The following GLI2 variants were observed in gnomAD, a reference collection of about 807,000 sequenced individuals.
GLI2 encodes GLI family zinc finger 2, also known as transcription activator GLI2.
Under a neutral mutation model 78.9 loss-of-function variants are expected in GLI2, and 22 were observed. The observed-to-expected ratio is 0.28, with a 90% CI of 0.20 to 0.40. GLI2 has a LOEUF of 0.40. Among genes scored for constraint, GLI2 ranks in the 10% least tolerant of loss-of-function variants. The pLI is 1.00. For synonymous variants in GLI2, 974 were observed against 963.7 expected (o/e 1.01, Z -0.20); for missense variants, 2,097 against 2,213.2 (o/e 0.95, Z 1.05).
chr2:120,760,613 G>T (rs949312801), intron 1 of GLI2, among the ~76,000 whole-genome samples: 1 of 152,202 alleles, frequency 6.6e-6, no homozygotes, highest in Non-Finnish European at 1.5e-5. Flanking sequence ...GACCAGGGAT[G>T]CAGCGTCCCC....
intron 8 of GLI2, among the ~76,000 whole-genome samples, chr2:120,973,959 T>C (rs989883200): frequency 3.9e-5 from 6 of 152,134 alleles, no homozygotes; most frequent in Admixed American, 2.0e-4. Flanking sequence ...GTACCACTCA[T>C]TGAGTCCCCG....
rs1406065104 is a variant in GLI2 at position 120,817,394 on chromosome 2, A to G, written c.148+19926A>G. ...TCACTGCCCACCTGTCACCCCTTCC[A>G]TCACATGCCCATCATGACAGGCCCC... On this transcript the variant is annotated intron_variant, in intron 2 of 13. Coordinates refer to ENST00000361492, the MANE Select transcript of GLI2 (RefSeq NM_001374353.1). Among the ~76,000 whole-genome samples, 4 of 152,112 alleles carry G rather than the reference A, an allele frequency of 2.6e-5. No homozygotes were observed. In the South Asian group the frequency reaches 8.3e-4, roughly 31 times the overall value.
At position 120,988,779 on chromosome 2, in the gene GLI2, C is replaced by A. The variant is rs1287129677; in HGVS notation, c.2814C>A (p.Pro938=). The part of the protein sequence containing the change: ...TYGHGHAGAA[P]AFPHEAPGGG... The stretch of plus-strand genomic sequence containing the variant: ...GCCACGGCCACGCGGGGGCTGCGCC[C>A]GCCTTCCCCCACGAGGCTCCAGGCG... The change falls in exon 14 of 14, where the codon CCC becomes CCA. Residue 938 remains proline, a synonymous_variant. Transcript: ENST00000361492. 1.5e-6 allele frequency: 2 copies of A among 1,329,250 alleles called. No homozygotes were observed. Among genetic ancestry groups the A allele is most frequent in the South Asian group, 1.6e-5 (1 of 61,238 alleles). 82.3% of individuals were successfully genotyped at this position (1,329,250 alleles called of 1,614,324 possible).
chr2:120,799,337 C>T (rs1022825983), intron 2 of GLI2, among the ~76,000 whole-genome samples: 166 of 152,290 alleles, frequency 1.1e-3, no homozygotes, highest in African/African-American at 3.8e-3. Context: ...GAGGTTCCAG[C>T]GGAGGGTGGA....
intron 5 of GLI2, among the ~76,000 whole-genome samples, chr2:120,967,992 G>A (rs910266162): frequency 9.2e-5 from 14 of 152,226 alleles, no homozygotes; most frequent in African/African-American, 3.4e-4. Context: ...CTATCAGGGG[G>A]CACTTTAGTG....
chr2:120,922,431 G>C (rs1038186426), intron 2 of GLI2, among the ~76,000 whole-genome samples: 3 of 152,136 alleles, frequency 2.0e-5, no homozygotes, highest in African/African-American at 7.2e-5. Context: ...CTCACTGAAG[G>C]CCTGCTGCAT....
At chr2:120,936,445 G>A (rs770469686) in intron 3 of GLI2, among the ~76,000 whole-genome samples, 6 of 152,158 alleles carry the variant, frequency 3.9e-5, no homozygotes, top group Admixed American at 1.3e-4. Context: ...GTAAGGTGGG[G>A]GATTTTCTCC....
chr2:120,908,437 G>A lies in GLI2; in HGVS notation c.149-18924G>A, dbSNP rs79758613. ...CTTGCATATGGAGGCCCCCTCTTCT[G>A]AGCACTGGATCTGCTTCCCGTGCAG... On this transcript the variant is annotated intron_variant, in intron 2 of 13. Coordinates refer to ENST00000361492, the MANE Select transcript of GLI2 (RefSeq NM_001374353.1). Among the ~76,000 whole-genome samples the A allele has an allele frequency of 4.9e-3, 741 of 152,298 alleles. 5 individuals carry two copies. The highest frequency in any genetic ancestry group is 7.5e-3 in the Non-Finnish European group (509 of 68,022).
chr2:120,932,836 G>A (rs1680008459), intron 3 of GLI2, among the ~76,000 whole-genome samples: 1 of 152,224 alleles, frequency 6.6e-6, no homozygotes, highest in Admixed American at 6.5e-5. Flanking sequence ...GCCACAGCAT[G>A]TCCTTGGGAG....
intron 2 of GLI2, among the ~76,000 whole-genome samples, chr2:120,882,659 T>C (rs768060321): frequency 2.6e-5 from 4 of 152,206 alleles, no homozygotes; most frequent in Admixed American, 6.5e-5. Context: ...TCACTGGACA[T>C]GTGGATCTGA....
intron 1 of GLI2, among the ~76,000 whole-genome samples, chr2:120,794,784 C>A (rs1035612849): frequency 6.6e-6 from 1 of 152,016 alleles, no homozygotes; most frequent in African/African-American, 2.4e-5. Flanking sequence ...TCTTAAGGGG[C>A]GGATTTTAAA....
At chr2:120,931,669 A>G (rs1272935979) in intron 3 of GLI2, among the ~76,000 whole-genome samples, 1 of 152,148 alleles carries the variant, frequency 6.6e-6, no homozygotes, top group Non-Finnish European at 1.5e-5. Flanking sequence ...TGTACTGGTG[A>G]ATCTTCCTGA....
Position 120,975,032 on chromosome 2 carries a change from G to A in GLI2, c.1240G>A (p.Glu414Lys). The change falls in exon 9 of 14, where the codon GAG becomes AAG. Residue 414 changes from glutamate (E) to lysine (K), a missense_variant. Physicochemically the swap from Glu to Lys is moderately conservative, Grantham distance 56. Coordinates refer to ENST00000361492, the MANE Select transcript of GLI2 (RefSeq NM_001374353.1). ...LDRDDCKQEA[E>K]VVIYETNCHW... ...CAGGGATGACTGTAAGCAGGAGGCT[G>A]AGGTGGTCATCTATGAGACCAACTG... 6.2e-7 allele frequency: 1 copy of A among 1,614,130 alleles called. No individual in the cohort carries two copies. The highest frequency in any genetic ancestry group is 8.5e-7 in the Non-Finnish European group (1 of 1,180,006).
chr2:120,989,749 C>A lies in GLI2; in HGVS notation c.3784C>A (p.His1262Asn), dbSNP rs794727100. 6.2e-7 allele frequency: 1 copy of A among 1,612,640 alleles called. No homozygotes were observed. Among genetic ancestry groups the A allele is most frequent in the Admixed American group, 1.7e-5 (1 of 59,992 alleles). ...CAGCAACATGCCAGCCAAGCCAGGG[C>A]ATCTGGGGCACCCTCAGCAGACAGA... ...SCSNMPAKPGHLGHPQQTEVA... is the reference protein window; with the variant it reads ...SCSNMPAKPGNLGHPQQTEVA... The change falls in exon 14 of 14, where the codon CAT (histidine) becomes AAT (asparagine). Residue 1262 changes from histidine to asparagine, a missense_variant. By Grantham distance (68) the His-to-Asn change is moderately conservative (BLOSUM62 1). This residue lies in a region of GLI2 where 1,290 missense variants were observed against 1,261.7 expected (regional missense o/e 1.02). Transcript: ENST00000361492.
At chr2:120,893,576 G>C (rs947356326) in intron 2 of GLI2, among the ~76,000 whole-genome samples, 6 of 151,596 alleles carry the variant, frequency 4.0e-5, no homozygotes, top group Non-Finnish European at 7.4e-5. Context: ...AGTCAGAGCC[G>C]GCCAAGAATG....
intron 1 of GLI2, among the ~76,000 whole-genome samples, chr2:120,748,634 A>T (rs1406783438): frequency 1.3e-5 from 2 of 152,312 alleles, no homozygotes; most frequent in South Asian, 2.1e-4. Flanking sequence ...AAATGTGCAG[A>T]GGCCCAGGTT....
chr2:120,763,608 C>T (rs763505596), intron 1 of GLI2, among the ~76,000 whole-genome samples: 7 of 152,192 alleles, frequency 4.6e-5, no homozygotes, highest in African/African-American at 7.2e-5. Context: ...TCAGAAACCC[C>T]GTGTGCTGTG....
Position 120,822,026 on chromosome 2 carries a change from G to A in GLI2, c.148+24558G>A, listed in dbSNP as rs1350236115. On this transcript the variant is annotated intron_variant, in intron 2 of 13. Transcript: ENST00000361492. ...TGCTGTGTTCCACACCTCTGACATG[G>A]AGGTGAGGCTGTGGTGGCTAAGACC... Among the ~76,000 whole-genome samples the A allele has an allele frequency of 2.0e-5, 3 of 152,370 alleles. No individual in the cohort carries two copies. In the East Asian group the frequency reaches 5.8e-4, roughly 29 times the overall value.
chr2:120,934,450 C>G lies in GLI2; in HGVS notation c.254+6984C>G, dbSNP rs560790157. ...CGACCTGACCACTGCTGATGGCTTC[C>G]TGCAGATCTCTTGATCCTGAGCTGT... On this transcript the variant is annotated intron_variant, in intron 3 of 13. Transcript: ENST00000361492. Among the ~76,000 whole-genome samples, 5 of 152,346 alleles carry G rather than the reference C, an allele frequency of 3.3e-5. No individual in the cohort carries two copies. The South Asian group carries it at 1.0e-3, about 32-fold the overall frequency.
Sources: allele counts gnomAD v4.1 joint callset (sites outside exome capture counted in the v4.1 genomes callset), GRCh38; gene constraint gnomAD v4.1.1; regional missense constraint gnomAD v4.1.1; transcripts MANE v1.5; gene names NCBI Gene and HGNC (gene_info 2026-07-23, HGNC 2026-07-21).